SEC16A: variants seen among roughly 807,000 people sequenced by gnomAD.
SEC16A encodes the protein SEC16 homolog A, endoplasmic reticulum export factor.
Under a neutral mutation model 221.9 loss-of-function variants are expected in SEC16A, and 110 were observed. That is an observed-to-expected ratio of 0.50 (90% confidence interval 0.42 to 0.58). SEC16A has a LOEUF of 0.58. Ranked by LOEUF, SEC16A falls within the 20% of genes least tolerant of loss-of-function variation. The pLI, the probability that SEC16A is intolerant of heterozygous loss-of-function variation, is 0.00. For missense variants in SEC16A, 3,165 were observed against 3,097.8 expected (o/e 1.02, Z -0.52); for synonymous variants, 1,393 against 1,257.7 (o/e 1.11, Z -2.28).
intron 20 of SEC16A, among the ~76,000 whole-genome samples, 176 bp from the exon 21 acceptor site, chr9:136,454,503 G>A (rs1031323888): frequency 1.3e-5 from 2 of 152,228 alleles, no homozygotes; most frequent in Non-Finnish European, 2.9e-5. Flanking sequence ...ACCATCCGTG[G>A]TTTGCAGAAA....
At position 136,459,870 on chromosome 9, in the gene SEC16A, C is replaced by A. The variant is rs748923915; in HGVS notation, c.5078G>T (p.Cys1693Phe). Reference protein sequence around the residue: ...SGRMPAASTCCGDEKWGDWRP... With the variant: ...SGRMPAASTCFGDEKWGDWRP... ...CCAATCTCCCCATTTCTCGTCTCCA[C>A]AGCACTAACATGAGGAAAAACAAAA... Residue 1693 changes from cysteine to phenylalanine, a missense_variant, in exon 15 of 32, where the codon TGT (cysteine) becomes TTT (phenylalanine). Physicochemically the swap from Cys to Phe is radical, Grantham distance 205 (BLOSUM62 -2). This residue lies in a region of SEC16A where 1,088 missense variants were observed against 1,089.6 expected (regional missense o/e 1.00). Transcript: ENST00000684901. This position sits in a 1 kb window ranked among gnomAD's most constrained non-coding sequence, Gnocchi z 6.1. 22 of 1,612,356 alleles carry A rather than the reference C, an allele frequency of 1.4e-5. No homozygotes were observed. Among genetic ancestry groups the A allele is most frequent in the Non-Finnish European group, 1.7e-5 (20 of 1,179,100 alleles).
chr9:136,450,256 T>TCTACAGA (rs1258447688), intron 23 of SEC16A, among the ~76,000 whole-genome samples: 1 of 151,756 alleles, frequency 6.6e-6, no homozygotes, highest in Non-Finnish European at 1.5e-5. Flanking sequence ...AAAAAGGCAA[T>TCTACAGA]CTACAGATTG....
Position 136,475,254 on chromosome 9 carries a change from A to T in SEC16A, c.2362T>A (p.Ser788Thr). 1 of 1,613,636 alleles carries T rather than the reference A, an allele frequency of 6.2e-7. No individual in the cohort carries two copies. Among genetic ancestry groups the T allele is most frequent in the African/African-American group, 1.3e-5 (1 of 75,042 alleles). ...TTGGGAGGATTCTCAAGGTTCTCAGAAGCACCAATGCCACCTCGGCTCTGC... is the reference window on the plus strand; with the variant it reads ...TTGGGAGGATTCTCAAGGTTCTCAGTAGCACCAATGCCACCTCGGCTCTGC... ...PVQSRGGIGA[S>T]ENLENPPKMG... The change falls in exon 3 of 32, where the codon TCT becomes ACT. Residue 788 changes from serine to threonine, a missense_variant. This residue lies in a region of SEC16A where 2,030 missense variants were observed against 1,923.1 expected (regional missense o/e 1.06). Transcript: ENST00000684901. The surrounding 1 kb of genome is among the most constrained non-coding windows in gnomAD (Gnocchi z 5.0).
chr9:136,477,037 G>A lies in SEC16A; in HGVS notation c.579C>T (p.Asp193=), dbSNP rs780319436. Residue 193 remains aspartate, a synonymous_variant, in exon 3 of 32, where the codon GAC becomes GAT. Coordinates refer to ENST00000684901, the MANE Select transcript of SEC16A (RefSeq NM_014866.2). ...DRPLSRQNPH[D]GVVTPAASPS... is the part of the protein sequence containing the mutation. ...GGGATGCTGCTGGGGTGACCACACC[G>A]TCATGTGGGTTTTGCCTGCTCAGGG... 157 of 1,613,616 alleles carry A rather than the reference G, an allele frequency of 9.7e-5. No individual in the cohort carries two copies. The highest frequency in any genetic ancestry group is 1.3e-4 in the East Asian group (6 of 44,890).
At position 136,453,406 on chromosome 9, in the gene SEC16A, TTAAGAAAATGTG is replaced by T. The variant is rs1838147248; in HGVS notation, c.6159+10_6159+21del. ...ATGAACTTTATGGAAAACAAACAGT[TTAAGAAAATGTG>T]ACAAAGTACCAGATTAGCAAATTTT... On this transcript the variant is annotated intron_variant, in intron 22 of 31. Coordinates refer to ENST00000684901, the MANE Select transcript of SEC16A (RefSeq NM_014866.2). 3.1e-6 allele frequency: 5 copies of T among 1,594,394 alleles called. No individual in the cohort carries two copies. Among genetic ancestry groups the T allele is most frequent in the Non-Finnish European group, 4.3e-6 (5 of 1,162,744 alleles).
intron 30 of SEC16A, 80 bp downstream of exon 30, chr9:136,444,972 G>A (rs1203533735): frequency 3.1e-6 from 4 of 1,298,178 alleles, no homozygotes; most frequent in South Asian, 1.3e-5. Context: ...AGCGCACGTG[G>A]CGAACCGGCA....
At chr9:136,444,949 A>G in intron 30 of SEC16A, 103 bp downstream of exon 30, 1 of 797,588 alleles carries the variant, frequency 1.3e-6, no homozygotes, top group Non-Finnish European at 2.0e-6. Context: ...ACAACGGGCG[A>G]GGTTAGTGGC....
At chr9:136,483,129 G>A (rs1842630365), upstream of SEC16A, 1 of 566,664 alleles carries the variant, frequency 1.8e-6, no homozygotes, top group Non-Finnish European at 2.2e-6. Context: ...CCCTCGGCTC[G>A]TCGGCCCAGA....
Position 136,461,229 on chromosome 9 carries a change from G to A in SEC16A, c.4939C>T (p.Leu1647=), listed in dbSNP as rs1204504362. ...CTGTCCATCTTACTTGCAAGTAGCA[G>A]AGCGTGACCCCACAGGCCATTCTTC... The part of the protein sequence containing the change: ...AMKNGLWGHA[L]LLASKMDSRT... The change falls in exon 13 of 32, where the codon CTG becomes TTG. Residue 1647 remains leucine (L), a synonymous_variant. Transcript: ENST00000684901. The A allele has an allele frequency of 1.9e-6, 3 of 1,609,412 alleles. No homozygotes were observed. The African/African-American group carries it at 4.0e-5, about 22-fold the overall frequency.
chr9:136,474,545 G>A lies in SEC16A; in HGVS notation c.3071C>T (p.Ala1024Val), dbSNP rs369678976. The A allele has an allele frequency of 1.2e-6, 2 of 1,612,880 alleles. No homozygotes were observed. Among genetic ancestry groups the A allele is most frequent in the Middle Eastern group, 1.6e-4 (1 of 6,062 alleles). The change falls in exon 3 of 32, where the codon GCC (alanine) becomes GTC (valine). Residue 1024 changes from alanine (A) to valine (V), a missense_variant. By Grantham distance (64) the Ala-to-Val change is moderately conservative. Transcript: ENST00000684901. ...AGGCCCAGATTGTCTGGGATGACTGGCAACACTTTGCTGAGAAGCGAGGCT... is the reference window on the plus strand; with the variant it reads ...AGGCCCAGATTGTCTGGGATGACTGACAACACTTTGCTGAGAAGCGAGGCT... Reference protein sequence around the residue: ...SDSLASQQSVASHPRQSGPGA... With the variant: ...SDSLASQQSVVSHPRQSGPGA...
intron 5 of SEC16A, 75 bp downstream of exon 5, chr9:136,468,340 C>G: frequency 2.3e-6 from 2 of 870,714 alleles, no homozygotes; most frequent in Non-Finnish European, 1.9e-6. Context: ...TGCTGGCTGG[C>G]CAGGGCTGCA....
Position 136,454,269 on chromosome 9 carries a change from T to C in SEC16A, c.5916A>G (p.Pro1972=), listed in dbSNP as rs1390370865. 6.3e-7 allele frequency: 1 copy of C among 1,583,558 alleles called. No individual in the cohort carries two copies. The highest frequency in any genetic ancestry group is 1.2e-5 in the South Asian group (1 of 86,558). The stretch of plus-strand genomic sequence containing the variant: ...CCAGGGGCCCCGGGGGCAGTGGCAC[T>C]GGGAACATCGGCACTCTGGCAGGAC... ...LASPARVPMF[P]VPLPPGPLEP... The change falls in exon 21 of 32, where the codon CCA becomes CCG. Residue 1972 remains proline, a synonymous_variant. Transcript: ENST00000684901.
intron 3 of SEC16A, among the ~76,000 whole-genome samples, chr9:136,473,738 C>G (rs1310797916): frequency 6.6e-6 from 1 of 152,254 alleles, no homozygotes; most frequent in Non-Finnish European, 1.5e-5. Context: ...GCAGGGGTGA[C>G]AGCAAATGGA....
At chr9:136,460,314 G>C (rs1003707272) in intron 13 of SEC16A, among the ~76,000 whole-genome samples, 191 bp from the exon 14 acceptor site, 3 of 152,110 alleles carry the variant, frequency 2.0e-5, no homozygotes, top group African/African-American at 7.2e-5. Flanking sequence ...AATTAGCCGG[G>C]TGTGGTGGTG....
chr9:136,462,838 G>T, intron 12 of SEC16A, 49 bp downstream of exon 12: 1 of 1,582,044 alleles, frequency 6.3e-7, no homozygotes, highest in South Asian at 1.1e-5. Flanking sequence ...CACCAGGCCC[G>T]ACCCAGTGGA....
At position 136,466,557 on chromosome 9, in the gene SEC16A, C is replaced by T; in HGVS notation, c.3930-95G>A. On this transcript the variant is annotated intron_variant, in intron 6 of 31. Coordinates refer to ENST00000684901, the MANE Select transcript of SEC16A (RefSeq NM_014866.2). The surrounding 1 kb of genome is among the most constrained non-coding windows in gnomAD (Gnocchi z 5.5). Reference sequence around the variant, plus strand: ...GCTGCCCAGGAGCTGAGACCGAGACCCCTGGGGCCGAGGCACAACACAGCA... The same window carrying T: ...GCTGCCCAGGAGCTGAGACCGAGACTCCTGGGGCCGAGGCACAACACAGCA... 4.1e-6 allele frequency: 5 copies of T among 1,226,726 alleles called. No individual in the cohort carries two copies. Among genetic ancestry groups the T allele is most frequent in the Non-Finnish European group, 5.6e-6 (5 of 893,418 alleles). The allele number at this position is 1,226,726 out of a possible 1,614,324, so 76.0% of individuals were successfully genotyped here.
At chr9:136,456,003 A>G in intron 19 of SEC16A, 50 bp downstream of exon 19, 1 of 1,462,926 alleles carries the variant, frequency 6.8e-7, no homozygotes, top group Non-Finnish European at 9.5e-7. Context: ...TGACAGGGAC[A>G]GAAGCCACCT....
rs570758292 is a variant in SEC16A, at chr9:136,451,743, G to C, written c.6160-335C>G. ...GTGAGCATGCACTGAGGGAAGACTG[G>C]CCAGAGGGGGGCGATGGGTGTTCTC... On this transcript the variant is annotated intron_variant, in intron 22 of 31. Transcript: ENST00000684901. 2.0e-5 allele frequency among the ~76,000 whole-genome samples: 3 copies of C among 152,306 alleles called. No homozygotes were observed. In the South Asian group the frequency reaches 6.2e-4, roughly 32 times the overall value.
chr9:136,467,129 G>T (rs757158067), intron 5 of SEC16A, 46 bp from the exon 6 acceptor site: 17 of 1,605,336 alleles, frequency 1.1e-5, no homozygotes, highest in Non-Finnish European at 1.4e-5. Flanking sequence ...TGCAAAAGAA[G>T]AAATGCCTCA....
Sources: gnomAD v4.1 joint callset for allele counts (sites outside exome capture counted in the v4.1 genomes callset) on GRCh38, gnomAD v4.1.1 for gene constraint, gnomAD v4.1.1 regional missense constraint, Gnocchi (gnomAD v3.1) non-coding constraint, MANE v1.5 for transcripts, NCBI Gene and HGNC (gene_info 2026-07-23, HGNC 2026-07-21) for gene names.